NOL4: variants seen among roughly 807,000 people sequenced by gnomAD.
NOL4 encodes the protein cancer/testis antigen 125.
In NOL4, 17 loss-of-function variants were observed where a neutral mutation model predicts 75.9. The observed-to-expected ratio is 0.22, with a 90% confidence interval of 0.15 to 0.34. The LOEUF (loss-of-function observed/expected upper bound fraction) is 0.34. Ranked by LOEUF, NOL4 falls within the 10% of genes least tolerant of loss-of-function variation. The pLI is 1.00. For synonymous variants in NOL4, 292 were observed against 289.9 expected (o/e 1.01, Z -0.07); for missense variants, 614 against 793.5 (o/e 0.77, Z 2.72).
chr18:33,991,551 T>C (rs2146113053), intron 6 of NOL4, among the ~76,000 whole-genome samples: 1 of 152,132 alleles, frequency 6.6e-6, no homozygotes, highest in East Asian at 1.9e-4. Context: ...ACAATTGTGG[T>C]GTTGGTGAGT....
intron 9 of NOL4, among the ~76,000 whole-genome samples, chr18:33,884,259 T>C (rs1023542658): frequency 1.3e-5 from 2 of 152,090 alleles, no homozygotes; most frequent in South Asian, 4.1e-4. Context: ...TCTCTTCCTC[T>C]GTGTATGTGT....
At chr18:33,894,520 T>C (rs1382128091) in intron 9 of NOL4, among the ~76,000 whole-genome samples, 1 of 152,122 alleles carries the variant, frequency 6.6e-6, no homozygotes, top group Non-Finnish European at 1.5e-5. Flanking sequence ...AGTAAATTCA[T>C]GTTTTGACTA....
At chr18:34,161,361 T>A (rs2031449875) in intron 1 of NOL4, among the ~76,000 whole-genome samples, 1 of 152,154 alleles carries the variant, frequency 6.6e-6, no homozygotes, top group South Asian at 2.1e-4. Context: ...TTTCTAGTTT[T>A]ATGAGGAGCC....
chr18:34,079,816 G>T (rs767868648), intron 5 of NOL4, among the ~76,000 whole-genome samples: 10 of 152,166 alleles, frequency 6.6e-5, no homozygotes, highest in African/African-American at 2.4e-4. Flanking sequence ...TTAGAATTCT[G>T]TTCTTTGCCT....
At position 34,137,779 on chromosome 18, in the gene NOL4, T is replaced by TATACACACACACACACACAC. The variant is rs1354745785; in HGVS notation, c.265-7760_265-7759insGTGTGTGTGTGTGTGTGTAT. Among the ~76,000 whole-genome samples the TATACACACACACACACACAC allele has an allele frequency of 1.4e-4, 21 of 147,154 alleles. 1 individual carries two copies. The highest frequency in any genetic ancestry group is 2.2e-4 in the Non-Finnish European group (15 of 66,838). ...AAGCCAAAATCATGTATATACGAAA[T>TATACACACACACACACACAC]ACACACACACACACACACACACACA... is the stretch of plus-strand genomic sequence containing the variant. On this transcript the variant is annotated intron_variant, in intron 1 of 10. Transcript: ENST00000261592.
chr18:33,861,392 T>C (rs1000660208), intron 10 of NOL4, among the ~76,000 whole-genome samples: 12 of 152,202 alleles, frequency 7.9e-5, no homozygotes, highest in Admixed American at 2.0e-4. Context: ...AATTTATCCA[T>C]TTCTTCTGGA....
At chr18:33,936,508 C>A (rs892044889) in intron 9 of NOL4, among the ~76,000 whole-genome samples, 2 of 151,244 alleles carry the variant, frequency 1.3e-5, no homozygotes, top group Non-Finnish European at 2.9e-5. Flanking sequence ...AGTAACGTGC[C>A]ATTTCCCCTT....
At chr18:34,051,441 T>C (rs1206326425) in intron 5 of NOL4, among the ~76,000 whole-genome samples, 1 of 152,138 alleles carries the variant, frequency 6.6e-6, no homozygotes, top group Non-Finnish European at 1.5e-5. Context: ...ATACTTTTTA[T>C]AGTTTAAGAA....
chr18:34,201,795 T>C lies in NOL4; in HGVS notation c.264+21195A>G, dbSNP rs527820313. ...ATTTTTAAAATATCTGTAAATTTTC[T>C]ATTTCAACCTATAATTTAAATATAT... On this transcript the variant is annotated intron_variant, in intron 1 of 10. Coordinates refer to ENST00000261592, the MANE Select transcript of NOL4 (RefSeq NM_003787.5). 1.3e-3 allele frequency among the ~76,000 whole-genome samples: 191 copies of C among 151,980 alleles called. 1 individual carries two copies. Among genetic ancestry groups the C allele is most frequent in the African/African-American group, 4.5e-3 (185 of 41,552 alleles).
At chr18:34,088,724 T>A (rs1027539664) in intron 5 of NOL4, among the ~76,000 whole-genome samples, 2 of 152,054 alleles carry the variant, frequency 1.3e-5, no homozygotes, top group African/African-American at 4.8e-5. Flanking sequence ...TAAAAAAAAA[T>A]TTAAATAGCT....
chr18:34,039,514 C>T (rs1405759981), intron 5 of NOL4, among the ~76,000 whole-genome samples: 1 of 151,960 alleles, frequency 6.6e-6, no homozygotes, highest in Non-Finnish European at 1.5e-5. Context: ...GCTTAGCCTC[C>T]ATTTCTGTAT....
intron 1 of NOL4, among the ~76,000 whole-genome samples, chr18:34,169,810 A>G (rs1568416235): frequency 6.6e-6 from 1 of 152,128 alleles, no homozygotes; most frequent in Non-Finnish European, 1.5e-5. Context: ...TCCCACATCC[A>G]TTTCTAATAA....
chr18:34,081,174 A>G lies in NOL4; in HGVS notation c.772+12291T>C, dbSNP rs544857661. Among the ~76,000 whole-genome samples the G allele has an allele frequency of 9.8e-5, 15 of 152,304 alleles. No individual in the cohort carries two copies. The East Asian group carries it at 1.5e-3, about 16-fold the overall frequency. On this transcript the variant is annotated intron_variant, in intron 5 of 10. Coordinates refer to ENST00000261592, the MANE Select transcript of NOL4 (RefSeq NM_003787.5). ...ACTAAACATAAGTTCTCAGGACCAC[A>G]ATATCTTTTAAGTACTTTTAATGAA...
At chr18:34,181,418 C>G (rs1439973634) in intron 1 of NOL4, among the ~76,000 whole-genome samples, 1 of 151,400 alleles carries the variant, frequency 6.6e-6, no homozygotes, top group East Asian at 1.9e-4. Flanking sequence ...CAAAAATCAA[C>G]TCAACATGGA....
At chr18:34,033,425 A>G (rs1353043961) in intron 5 of NOL4, among the ~76,000 whole-genome samples, 1 of 152,090 alleles carries the variant, frequency 6.6e-6, no homozygotes, top group Non-Finnish European at 1.5e-5. Context: ...TGAAAGCTTC[A>G]GCAATAAACT....
intron 4 of NOL4, among the ~76,000 whole-genome samples, chr18:34,094,084 T>G (rs2078655533): frequency 6.6e-6 from 1 of 152,040 alleles, no homozygotes; most frequent in South Asian, 2.1e-4. Context: ...ATGGAATAAT[T>G]TCTCCCTTCA....
chr18:34,195,963 T>C (rs1430668564), intron 1 of NOL4, among the ~76,000 whole-genome samples: 2 of 152,156 alleles, frequency 1.3e-5, no homozygotes, highest in African/African-American at 2.4e-5. Context: ...TTTCTTACTT[T>C]AACAATTTAG....
rs2068400275 is a variant in NOL4, at chr18:33,940,529, C to T, written c.1542+2536G>A. ...ACACATGGACACAGGGAGGGAACAT[C>T]ACACACCGGGGCCTGTCGGGGAGTA... On this transcript the variant is annotated intron_variant, in intron 9 of 10. Transcript: ENST00000261592. 3.3e-5 allele frequency among the ~76,000 whole-genome samples: 5 copies of T among 151,954 alleles called. No homozygotes were observed. In the South Asian group the frequency reaches 1.0e-3, roughly 32 times the overall value.
At chr18:34,123,452 GTAAC>G (rs1280732712) in intron 2 of NOL4, among the ~76,000 whole-genome samples, 2 of 149,060 alleles carry the variant, frequency 1.3e-5, no homozygotes, top group Non-Finnish European at 3.0e-5. Flanking sequence ...GTGTATGTGT[GTAAC>G]TGATAAATAA....
Sources: allele counts gnomAD v4.1 joint callset (sites outside exome capture counted in the v4.1 genomes callset), GRCh38; gene constraint gnomAD v4.1.1; transcripts MANE v1.5; gene names NCBI Gene and HGNC (gene_info 2026-07-23, HGNC 2026-07-21).